Variants in DLC1 observed in about 807,000 individuals in gnomAD.
DLC1 encodes the protein rho GTPase-activating protein 7.
DLC1 carries 54 observed loss-of-function variants against 140.3 expected under a neutral mutation model. The observed-to-expected ratio is 0.38, with a 90% confidence interval of 0.31 to 0.48. The LOEUF is 0.48. Among genes scored for constraint, DLC1 ranks in the 20% least tolerant of loss-of-function variants. The pLI is 0.96. For synonymous variants in DLC1, 986 were observed against 728.1 expected, an observed-to-expected ratio of 1.35 and a Z score of -5.70; for missense variants, 2,536 against 1,907.0, an observed-to-expected ratio of 1.33 and a Z score of -6.14.
chr8:13,121,071 C>T (rs1301596973), intron 5 of DLC1, among the ~76,000 whole-genome samples: 1 of 152,120 alleles, frequency 6.6e-6, no homozygotes, highest in Non-Finnish European at 1.5e-5. Context: ...GGCTTCGATG[C>T]AAATGGTACA....
chr8:13,553,679 G>A (rs1339238223), intron 1 of DLC1, among the ~76,000 whole-genome samples: 1 of 151,540 alleles, frequency 6.6e-6, no homozygotes, highest in Non-Finnish European at 1.5e-5. Flanking sequence ...CCCCTTCATG[G>A]CAAAATTTTT....
chr8:13,229,815 T>C (rs1442935411), intron 5 of DLC1, among the ~76,000 whole-genome samples: 3 of 152,220 alleles, frequency 2.0e-5, no homozygotes, highest in African/African-American at 4.8e-5. Flanking sequence ...CAATAAATTC[T>C]GAAAGTGTTC....
chr8:13,578,051 A>G (rs1804908577), intron 1 of DLC1, among the ~76,000 whole-genome samples: 3 of 151,926 alleles, frequency 2.0e-5, no homozygotes, highest in South Asian at 2.1e-4. Flanking sequence ...ACACTCAACA[A>G]TTTGTTTTTT....
At chr8:13,094,660 C>G in intron 12 of DLC1, 99 bp downstream of exon 12, 1 of 1,339,696 alleles carries the variant, frequency 7.5e-7, no homozygotes, top group South Asian at 1.3e-5. Flanking sequence ...AGCGAGACTC[C>G]ATCTCAAAAA....
intron 5 of DLC1, among the ~76,000 whole-genome samples, chr8:13,251,475 A>C (rs1344523630): frequency 6.6e-6 from 1 of 152,124 alleles, no homozygotes; most frequent in African/African-American, 2.4e-5. Context: ...AAGTCTGTAA[A>C]AATTATATAT....
In DLC1 at chr8:13,276,228, C is replaced by T. The variant is rs1046967026; in HGVS notation, c.1348+29041G>A. The T allele has an allele frequency of 5.2e-6, 8 of 1,534,004 alleles. No individual in the cohort carries two copies. In the African/African-American group the frequency reaches 1.1e-4, roughly 21 times the overall value. On this transcript the variant is annotated intron_variant, in intron 5 of 17. Coordinates refer to ENST00000276297, the MANE Select transcript of DLC1 (RefSeq NM_182643.3). The stretch of plus-strand genomic sequence containing the variant: ...AAATTGTTTTCTTTTTAATACCCCT[C>T]ACCCCCGGTCTCCAATCCCCCTCTG...
intron 15 of DLC1, among the ~76,000 whole-genome samples, chr8:13,089,664 TG>T (rs1459949112): frequency 2.6e-5 from 4 of 152,096 alleles, no homozygotes; most frequent in Non-Finnish European, 5.9e-5. Flanking sequence ...ATCAGACATT[TG>T]CACTCATTTC....
chr8:13,284,261 T>C (rs1488534539), intron 5 of DLC1, among the ~76,000 whole-genome samples: 1 of 152,202 alleles, frequency 6.6e-6, no homozygotes, highest in Non-Finnish European at 1.5e-5. Context: ...GCGCGGTGGC[T>C]CATGCCTGTA....
At chr8:13,168,053 G>T (rs1825221916) in intron 5 of DLC1, among the ~76,000 whole-genome samples, 1 of 152,018 alleles carries the variant, frequency 6.6e-6, no homozygotes, top group Admixed American at 6.6e-5. Context: ...AAAGAATCAG[G>T]CTAGATGTTG....
At chr8:13,459,230 G>GT (rs1487649524) in intron 2 of DLC1, among the ~76,000 whole-genome samples, 1 of 152,070 alleles carries the variant, frequency 6.6e-6, no homozygotes. Context: ...GAAGTTCTGT[G>GT]TTTTTCTGAT....
chr8:13,595,576 G>C (rs1258489064), intron 1 of DLC1, among the ~76,000 whole-genome samples: 1 of 151,922 alleles, frequency 6.6e-6, no homozygotes, highest in Non-Finnish European at 1.5e-5. Flanking sequence ...TATGATTAAG[G>C]GAAAAAGTGA....
intron 2 of DLC1, among the ~76,000 whole-genome samples, chr8:13,416,070 T>A (rs900265333): frequency 1.3e-5 from 2 of 152,104 alleles, no homozygotes; most frequent in South Asian, 4.1e-4. Flanking sequence ...CAGCTGAGGG[T>A]CATTTCTTTT....
At chr8:13,117,769 G>A (rs1217866354) in intron 5 of DLC1, among the ~76,000 whole-genome samples, 1 of 152,286 alleles carries the variant, frequency 6.6e-6, no homozygotes, top group East Asian at 1.9e-4. Context: ...GGCAGTAGGT[G>A]AGCCCACATA....
At chr8:13,430,155 C>T (rs1313273067) in intron 2 of DLC1, among the ~76,000 whole-genome samples, 1 of 152,138 alleles carries the variant, frequency 6.6e-6, no homozygotes, top group Non-Finnish European at 1.5e-5. Context: ...AAGGTTCCTG[C>T]TTAGATCAAT....
chr8:13,381,246 G>T (rs1306659515), intron 4 of DLC1, among the ~76,000 whole-genome samples: 1 of 152,218 alleles, frequency 6.6e-6, no homozygotes, highest in East Asian at 1.9e-4. Flanking sequence ...TGTCCCTAGG[G>T]TTGACTAGAG....
chr8:13,350,996 T>G (rs1402355599), intron 4 of DLC1, among the ~76,000 whole-genome samples: 1 of 152,242 alleles, frequency 6.6e-6, no homozygotes, highest in Non-Finnish European at 1.5e-5. Context: ...AGTAGACTTT[T>G]GATACAGATG....
intron 2 of DLC1, among the ~76,000 whole-genome samples, chr8:13,456,969 A>G (rs1799418996): frequency 6.6e-6 from 1 of 152,234 alleles, no homozygotes; most frequent in Non-Finnish European, 1.5e-5. Context: ...TGTAGTTGTC[A>G]TCACTGGAAA....
chr8:13,536,419 A>T (rs1466091284), intron 1 of DLC1, among the ~76,000 whole-genome samples: 2 of 152,196 alleles, frequency 1.3e-5, no homozygotes, highest in Admixed American at 6.5e-5. Context: ...TAGGTGAAAG[A>T]TGTGTATATT....
intron 1 of DLC1, among the ~76,000 whole-genome samples, chr8:13,534,773 T>G (rs182002908): frequency 2.6e-5 from 4 of 152,290 alleles, no homozygotes; most frequent in Non-Finnish European, 5.9e-5. Context: ...CAGCAATATT[T>G]TGTTGTTAGG....
Sources: allele counts gnomAD v4.1 joint callset (sites outside exome capture counted in the v4.1 genomes callset), GRCh38; gene constraint gnomAD v4.1.1; transcripts MANE v1.5; gene names NCBI Gene and HGNC (gene_info 2026-07-23, HGNC 2026-07-21).